Variants in PTER observed in about 807,000 individuals in gnomAD.
PTER encodes N-acetyltaurine hydrolase.
In PTER, 38 loss-of-function variants were observed where a neutral mutation model predicts 29.6. That is an observed-to-expected ratio of 1.28 (90% CI 0.99 to 1.68). The LOEUF is 1.68. PTER is among the 40% of genes most tolerant of loss of function. The pLI, the probability that PTER is intolerant of heterozygous loss-of-function variation, is 0.00. For missense variants in PTER, 482 were observed against 427.8 expected (o/e 1.13, Z -1.12); for synonymous variants, 172 against 154.5 (o/e 1.11, Z -0.84).
At chr10:16,508,872 A>G (rs1408125302) in intron 4 of PTER, among the ~76,000 whole-genome samples, 1 of 152,190 alleles carries the variant, frequency 6.6e-6, no homozygotes, top group East Asian at 1.9e-4. Context: ...TTCATCATGC[A>G]TGAAAGGACC....
At chr10:16,459,763 T>C (rs1460435331) in intron 1 of PTER, among the ~76,000 whole-genome samples, 2 of 150,274 alleles carry the variant, frequency 1.3e-5, no homozygotes, top group Non-Finnish European at 3.0e-5. Flanking sequence ...TATTTACTTA[T>C]TTGAGACCAA....
At chr10:16,515,043 A>C (rs1836928282), downstream of PTER, among the ~76,000 whole-genome samples, 1 of 152,166 alleles carries the variant, frequency 6.6e-6, no homozygotes, top group Non-Finnish European at 1.5e-5. Flanking sequence ...TCACATTTTG[A>C]AATGAAACTA....
intron 1 of PTER, among the ~76,000 whole-genome samples, chr10:16,443,207 C>T (rs970680664): frequency 6.6e-6 from 1 of 152,176 alleles, no homozygotes; most frequent in Non-Finnish European, 1.5e-5. Flanking sequence ...TCTGAGGTCT[C>T]TCTCTTTGGC....
At chr10:16,514,471 G>C (rs546914660), downstream of PTER, 2 of 1,479,600 alleles carry the variant, frequency 1.4e-6, no homozygotes, top group Non-Finnish European at 1.9e-6. Context: ...ATTCACTGAC[G>C]TTAGCCATAC....
At chr10:16,454,416 A>C (rs371057811) in intron 1 of PTER, among the ~76,000 whole-genome samples, 2 of 151,960 alleles carry the variant, frequency 1.3e-5, no homozygotes, top group African/African-American at 4.8e-5. Context: ...CTCTACTAAA[A>C]ATACAAAAAA....
intron 1 of PTER, among the ~76,000 whole-genome samples, chr10:16,465,114 C>T (rs917490927): frequency 3.3e-5 from 5 of 152,144 alleles, no homozygotes; most frequent in Non-Finnish European, 7.4e-5. Flanking sequence ...AGCTACAATT[C>T]AAGATAAGAT....
chr10:16,493,547 G>A (rs1184232585), intron 3 of PTER, among the ~76,000 whole-genome samples: 1 of 152,006 alleles, frequency 6.6e-6, no homozygotes, highest in Non-Finnish European at 1.5e-5. Flanking sequence ...TGGGGTTACC[G>A]GCTTGAGCCA....
intron 1 of PTER, among the ~76,000 whole-genome samples, chr10:16,453,808 A>G (rs2133378009): frequency 6.6e-6 from 1 of 152,354 alleles, no homozygotes; most frequent in African/African-American, 2.4e-5. Context: ...ATATTTAAAC[A>G]GATGTGAACA....
At chr10:16,514,015 C>G, downstream of PTER, 1 of 288,004 alleles carries the variant, frequency 3.5e-6, no homozygotes, top group Admixed American at 5.1e-5. Flanking sequence ...CTAAGGTTAA[C>G]AAGAGTACAA....
intron 2 of PTER, among the ~76,000 whole-genome samples, chr10:16,485,824 T>C (rs771774615): frequency 2.6e-5 from 4 of 152,154 alleles, no homozygotes; most frequent in Non-Finnish European, 5.9e-5. Context: ...CCTTGTGCGG[T>C]GATGCAAGCG....
At chr10:16,444,208 A>G (rs1564383014) in intron 1 of PTER, among the ~76,000 whole-genome samples, 1 of 151,952 alleles carries the variant, frequency 6.6e-6, no homozygotes, top group African/African-American at 2.4e-5. Context: ...GTTGGCCGGG[A>G]TGGTCTCAAT....
chr10:16,503,053 C>T (rs1422764951), intron 3 of PTER, among the ~76,000 whole-genome samples: 1 of 132,636 alleles, frequency 7.5e-6, no homozygotes, highest in Non-Finnish European at 1.6e-5. Context: ...GATTCATGGA[C>T]ACATGATAGT....
downstream of PTER, chr10:16,514,181 C>G (rs770778745): frequency 1.3e-5 from 5 of 398,884 alleles, no homozygotes; most frequent in Non-Finnish European, 2.2e-5. Flanking sequence ...ATAAAAGCAG[C>G]AAGATCACAG....
chr10:16,438,678 G>T (rs1331200618), intron 1 of PTER, among the ~76,000 whole-genome samples: 12 of 149,778 alleles, frequency 8.0e-5, no homozygotes, highest in Middle Eastern at 6.8e-3. Flanking sequence ...CTGTAATCCC[G>T]GCACTTTGGG....
chr10:16,474,886 C>CA (rs1298110332), intron 1 of PTER, among the ~76,000 whole-genome samples: 1 of 152,060 alleles, frequency 6.6e-6, no homozygotes, highest in African/African-American at 2.4e-5. Flanking sequence ...GACTCCATCT[C>CA]AAAAAACAAA....
intron 1 of PTER, among the ~76,000 whole-genome samples, chr10:16,481,191 G>C (rs692203): frequency 6.6e-6 from 1 of 152,234 alleles, no homozygotes; most frequent in African/African-American, 2.4e-5. Context: ...TTTCTCACTA[G>C]CTTCTGTGCC....
intron 3 of PTER, among the ~76,000 whole-genome samples, chr10:16,496,994 G>A (rs957547380): frequency 6.9e-6 from 1 of 144,716 alleles, no homozygotes; most frequent in Non-Finnish European, 1.5e-5. Flanking sequence ...GAATGCAGTT[G>A]CGCGATCTCG....
At chr10:16,505,526 A>G (rs1446120187) in intron 4 of PTER, among the ~76,000 whole-genome samples, 1 of 152,234 alleles carries the variant, frequency 6.6e-6, no homozygotes, top group East Asian at 1.9e-4. Context: ...CACTAAAGCC[A>G]TAACTTCCTA....
chr10:16,486,902 G>A (rs1453369823), intron 3 of PTER: 1 of 289,440 alleles, frequency 3.5e-6, no homozygotes, highest in Non-Finnish European at 6.5e-6. Context: ...CTCATAACAG[G>A]TGTCACTGTC....
Sources: gnomAD v4.1 joint callset for allele counts (sites outside exome capture counted in the v4.1 genomes callset) on GRCh38, gnomAD v4.1.1 for gene constraint, MANE v1.5 for transcripts, NCBI Gene and HGNC (gene_info 2026-07-23, HGNC 2026-07-21) for gene names.